Variants in ERC1 observed in about 807,000 individuals in gnomAD.
The protein encoded by ERC1 is ELKS/RAB6-interacting/CAST family member 1.
In ERC1, 56 loss-of-function variants were observed where a neutral mutation model predicts 132.0. The ratio of observed to expected loss-of-function variants is 0.42; its 90% CI spans 0.34 to 0.53. The LOEUF is 0.53. Among genes scored for constraint, ERC1 ranks in the 20% least tolerant of loss-of-function variants. The probability of loss-of-function intolerance (pLI) is 0.03; values close to 1 mark genes in which losing one functional copy is unlikely to be tolerated. For synonymous variants in ERC1, 478 were observed against 476.1 expected (o/e 1.00, Z -0.05); for missense variants, 1,202 against 1,349.9 (o/e 0.89, Z 1.72).
intron 1 of ERC1, among the ~76,000 whole-genome samples, chr12:999,324 T>C (rs1363746972): frequency 1.3e-5 from 2 of 152,208 alleles, no homozygotes; most frequent in Admixed American, 6.5e-5. Flanking sequence ...TCTATCGAAT[T>C]GCTACTGAAT....
chr12:1,198,888 G>A lies in ERC1; in HGVS notation c.2351+8836G>A, dbSNP rs575997813. 1.0e-4 allele frequency among the ~76,000 whole-genome samples: 15 copies of A among 149,798 alleles called. No individual in the cohort carries two copies. The South Asian group carries it at 1.9e-3, about 19-fold the overall frequency. ...TGGTGCTAAACCATGACAAACCACC[G>A]TCATGATCCAGTCACTTCCCACCAG... On this transcript the variant is annotated intron_variant, in intron 12 of 18. Coordinates refer to ENST00000360905, the MANE Select transcript of ERC1 (RefSeq NM_178040.4).
At chr12:1,403,103 T>C (rs1463452897) in intron 16 of ERC1, among the ~76,000 whole-genome samples, 1 of 149,942 alleles carries the variant, frequency 6.7e-6, no homozygotes, top group Non-Finnish European at 1.5e-5. Flanking sequence ...ATTAACAGAA[T>C]AGACAACTAA....
At chr12:1,356,539 A>G (rs1310949459) in intron 15 of ERC1, among the ~76,000 whole-genome samples, 1 of 152,170 alleles carries the variant, frequency 6.6e-6, no homozygotes, top group Non-Finnish European at 1.5e-5. Context: ...ATTTTTCCCT[A>G]ATAAAAATAA....
At chr12:1,462,052 T>G (rs2093655590) in intron 18 of ERC1, among the ~76,000 whole-genome samples, 1 of 152,144 alleles carries the variant, frequency 6.6e-6, no homozygotes, top group African/African-American at 2.4e-5. Context: ...CAACATAAGT[T>G]TTTAAATGGG....
chr12:1,405,244 G>A (rs1206762471), intron 16 of ERC1, among the ~76,000 whole-genome samples: 3 of 149,656 alleles, frequency 2.0e-5, no homozygotes, highest in South Asian at 2.1e-4. Context: ...AGGTCTCTGG[G>A]GGTCCTCCCA....
At chr12:1,071,270 T>C (rs760871783) in intron 2 of ERC1, among the ~76,000 whole-genome samples, 6 of 152,268 alleles carry the variant, frequency 3.9e-5, no homozygotes, top group Non-Finnish European at 8.8e-5. Context: ...CGTGAGAAAC[T>C]ACCAGAGCAG....
intron 15 of ERC1, among the ~76,000 whole-genome samples, chr12:1,352,262 G>T (rs74635748): frequency 0.046 from 7,047 of 152,196 alleles, 217 homozygotes; most frequent in South Asian, 0.087. Flanking sequence ...CTTGTGAGCC[G>T]TGTCACATAG....
chr12:1,418,661 CTTTCT>C (rs1293416058), intron 17 of ERC1, among the ~76,000 whole-genome samples: 1 of 100,628 alleles, frequency 9.9e-6, no homozygotes, highest in African/African-American at 5.4e-5. Flanking sequence ...CTCTCTCTCT[CTTTCT>C]TTTCTTTCTT....
chr12:1,422,421 T>C (rs369115758), intron 17 of ERC1, among the ~76,000 whole-genome samples: 183 of 152,342 alleles, frequency 1.2e-3, no homozygotes, highest in African/African-American at 4.1e-3. Flanking sequence ...CCTTTTAAGC[T>C]TCCATACATG....
At chr12:1,040,161 A>G (rs983826002) in intron 2 of ERC1, among the ~76,000 whole-genome samples, 11 of 152,196 alleles carry the variant, frequency 7.2e-5, no homozygotes, top group African/African-American at 2.7e-4. Context: ...AAAGAGAAAT[A>G]TTACAAAAAA....
At chr12:1,336,104 T>C (rs1054809794) in intron 15 of ERC1, among the ~76,000 whole-genome samples, 6 of 152,218 alleles carry the variant, frequency 3.9e-5, no homozygotes, top group Admixed American at 1.3e-4. Context: ...GGTTCGGTAA[T>C]AATATCCTTT....
chr12:1,286,721 G>C (rs1439118364), intron 14 of ERC1, among the ~76,000 whole-genome samples: 1 of 152,146 alleles, frequency 6.6e-6, no homozygotes, highest in Non-Finnish European at 1.5e-5. Flanking sequence ...GCTAGATACA[G>C]ATTCAATTTC....
At chr12:1,059,455 G>A (rs1973611333) in intron 2 of ERC1, among the ~76,000 whole-genome samples, 2 of 152,292 alleles carry the variant, frequency 1.3e-5, no homozygotes, top group Middle Eastern at 6.8e-3. Context: ...TATTAAGTGT[G>A]ATGTTAGCTG....
chr12:1,420,931 G>GA (rs1336854472), intron 17 of ERC1, among the ~76,000 whole-genome samples: 6,894 of 138,392 alleles, frequency 0.05, 203 homozygotes, highest in African/African-American at 0.077. Context: ...GGGGGGGGGG[G>GA]GGTTAATTAT....
At chr12:1,008,396 A>T (rs563445375) in intron 1 of ERC1, among the ~76,000 whole-genome samples, 1 of 152,344 alleles carries the variant, frequency 6.6e-6, no homozygotes, top group East Asian at 1.9e-4. Context: ...CCAAAATATG[A>T]TTTACAACAC....
At chr12:1,063,140 T>C (rs192091333) in intron 2 of ERC1, among the ~76,000 whole-genome samples, 114 of 152,304 alleles carry the variant, frequency 7.5e-4, no homozygotes, top group African/African-American at 2.4e-3. Flanking sequence ...TGATCTTGGC[T>C]CACTGCAATC....
chr12:1,377,923 A>G (rs187152863), intron 16 of ERC1, among the ~76,000 whole-genome samples: 1 of 152,350 alleles, frequency 6.6e-6, no homozygotes, highest in African/African-American at 2.4e-5. Context: ...GGTTATGACA[A>G]CAATAAAATA....
chr12:1,279,342 C>T (rs927426896), intron 14 of ERC1, among the ~76,000 whole-genome samples: 1 of 152,224 alleles, frequency 6.6e-6, no homozygotes, highest in South Asian at 2.1e-4. Flanking sequence ...CATGAGTAGT[C>T]GCTCTTCAAG....
intron 15 of ERC1, among the ~76,000 whole-genome samples, chr12:1,295,634 A>G (rs1171744795): frequency 5.9e-5 from 9 of 152,308 alleles, no homozygotes; most frequent in Middle Eastern, 3.4e-3. Context: ...ATGCTCTAAT[A>G]TAAGGCCTAC....
Sources: allele counts gnomAD v4.1 joint callset (sites outside exome capture counted in the v4.1 genomes callset), GRCh38; gene constraint gnomAD v4.1.1; transcripts MANE v1.5; gene names NCBI Gene and HGNC (gene_info 2026-07-23, HGNC 2026-07-21).